The following ZACN variants were observed in gnomAD, a reference collection of about 807,000 sequenced individuals.
ZACN encodes the protein ligand-gated cation channel ZACN.
Under a neutral mutation model 38.9 loss-of-function variants are expected in ZACN, and 52 were observed. The ratio of observed to expected loss-of-function variants is 1.34; its 90% CI spans 1.07 to 1.68. ZACN has a LOEUF of 1.68. ZACN is among the 40% of genes most tolerant of loss of function. The pLI is 0.00. For synonymous variants in ZACN, 235 were observed against 227.4 expected (o/e 1.03, Z -0.30); for missense variants, 559 against 525.6 (o/e 1.06, Z -0.62).
rs751849469 is a variant in ZACN at position 76,081,357 on chromosome 17, G to A, written c.624G>A (p.Lys208=). 1.2e-6 allele frequency: 2 copies of A among 1,614,178 alleles called. No individual in the cohort carries two copies. The highest frequency in any genetic ancestry group is 3.3e-5 in the Admixed American group (2 of 60,026). The part of the protein sequence containing the change: ...VKREYVVYDL[K]TQVPPQQLVP... ...GGGAATACGTAGTTTATGATCTGAA[G>A]ACCCAAGTCCCACCCCAGCAGCTGG... is the stretch of plus-strand genomic sequence containing the variant. The change falls in exon 6 of 9, where the codon AAG becomes AAA. Residue 208 remains lysine (K), a synonymous_variant. Coordinates refer to ENST00000334586, the MANE Select transcript of ZACN (RefSeq NM_180990.4).
chr17:76,082,089 C>T (rs773849258), intron 8 of ZACN, 40 bp downstream of exon 8: 16 of 1,551,902 alleles, frequency 1.0e-5, no homozygotes, highest in Non-Finnish European at 1.4e-5. Flanking sequence ...GGCCTAGGTG[C>T]ACACCTAGGG....
intron 4 of ZACN, 66 bp from the exon 5 acceptor site, chr17:76,080,189 C>T: frequency 1.3e-6 from 2 of 1,531,682 alleles, no homozygotes; most frequent in Middle Eastern, 1.8e-4. Context: ...GTTGGGATGC[C>T]AGGGTCTCCC....
chr17:76,082,273 C>T (rs914216027), intron 8 of ZACN, 190 bp from the exon 9 acceptor site: 9 of 777,062 alleles, frequency 1.2e-5, no homozygotes, highest in Non-Finnish European at 1.8e-5. Flanking sequence ...CCTGATAACC[C>T]ATGCCTTGCA....
chr17:76,081,694 CG>C lies in ZACN; in HGVS notation c.820del (p.Val274SerfsTer36). On this transcript the variant is annotated frameshift_variant, in exon 7 of 9. Coordinates refer to ENST00000334586, the MANE Select transcript of ZACN (RefSeq NM_180990.4). LOFTEE classifies it high-confidence loss of function. Reference sequence around the variant, plus strand: ...AGGTGACATTGCTGCTGAGTTACCTCGTCCTCCACTCCTCCCTGGTGCAGGC... The same window carrying C: ...AGGTGACATTGCTGCTGAGTTACCTCTCCTCCACTCCTCCCTGGTGCAGGC... ...YKVTLLLSYL[V>X]LHSSLVQALP... 6.2e-7 allele frequency: 1 copy of C among 1,614,138 alleles called. No individual in the cohort carries two copies. The highest frequency in any genetic ancestry group is 2.2e-5 in the East Asian group (1 of 44,890).
Position 76,080,356 on chromosome 17 carries a change from T to C in ZACN, c.476T>C (p.Phe159Ser). ...CTCGCCACGGAGACCAACTGCAACT[T>C]TGAGCTCCTCCACTTCCCCCGGGAC... is the stretch of plus-strand genomic sequence containing the variant. ...LALATETNCNFELLHFPRDHS... is the reference protein window; with the variant it reads ...LALATETNCNSELLHFPRDHS... The change falls in exon 5 of 9, where the codon TTT becomes TCT. Residue 159 changes from phenylalanine to serine, a missense_variant. By Grantham distance (155) the Phe-to-Ser change is radical. Coordinates refer to ENST00000334586, the MANE Select transcript of ZACN (RefSeq NM_180990.4). The C allele has an allele frequency of 6.2e-7, 1 of 1,613,760 alleles. No homozygotes were observed.
At position 76,079,207 on chromosome 17, in the gene ZACN, C is replaced by G. The variant is rs1320088583; in HGVS notation, c.-58C>G. 6.7e-7 allele frequency: 1 copy of G among 1,496,022 alleles called. No individual in the cohort carries two copies. Among genetic ancestry groups the G allele is most frequent in the Non-Finnish European group, 9.0e-7 (1 of 1,108,092 alleles). The allele number at this position is 1,496,022 out of a possible 1,614,324, so 92.7% of individuals were successfully genotyped here. On this transcript the variant is annotated 5_prime_UTR_variant, in exon 1 of 9. Transcript: ENST00000334586. Reference sequence around the variant, plus strand: ...AATTGCTCAGCTGCCAGAGAAGTGACTGGAATAGAGGTTGTAGCTTAGGCA... The same window carrying G: ...AATTGCTCAGCTGCCAGAGAAGTGAGTGGAATAGAGGTTGTAGCTTAGGCA...
rs1598279581 is a variant in ZACN, at chr17:76,080,540, A to C, written c.544+116A>C. On this transcript the variant is annotated intron_variant, in intron 5 of 8. Coordinates refer to ENST00000334586, the MANE Select transcript of ZACN (RefSeq NM_180990.4). ...CGGGGCAAGGGGAAGGGGCAAAGGC[A>C]GACAGAAGGCGAACTCCCAGGTCTG... The C allele has an allele frequency of 2.8e-6, 4 of 1,419,900 alleles. No individual in the cohort carries two copies. In the East Asian group the frequency reaches 9.8e-5, roughly 35 times the overall value. 88.0% of individuals were successfully genotyped at this position (1,419,900 alleles called of 1,614,324 possible).
chr17:76,079,538 T>C lies in ZACN; in HGVS notation c.197T>C (p.Val66Ala), dbSNP rs769607908. The C allele has an allele frequency of 3.1e-6, 5 of 1,614,056 alleles. No individual in the cohort carries two copies. Among genetic ancestry groups the C allele is most frequent in the South Asian group, 1.1e-5 (1 of 91,084 alleles). Residue 66 changes from valine (V) to alanine (A), a missense_variant, in exon 2 of 9, where the codon GTG (valine) becomes GCG (alanine). Val to Ala is a moderately conservative substitution (Grantham distance 64). Coordinates refer to ENST00000334586, the MANE Select transcript of ZACN (RefSeq NM_180990.4). ...GCGCCCCTGCTCGTGGATGTGCGGG[T>C]GTTTGTCTCCAACGTGTTTAATGTG... ...GSAPLLVDVRVFVSNVFNVDI... is the reference protein window; with the variant it reads ...GSAPLLVDVRAFVSNVFNVDI...
chr17:76,079,712 G>A lies in ZACN; in HGVS notation c.233G>A (p.Arg78Gln), dbSNP rs778725073. 42 of 1,613,512 alleles carry A rather than the reference G, an allele frequency of 2.6e-5. 1 individual carries two copies. Among genetic ancestry groups the A allele is most frequent in the South Asian group, 4.4e-5 (4 of 91,012 alleles). Residue 78 changes from arginine (R) to glutamine (Q), a missense_variant, in exon 3 of 9, where the codon CGA becomes CAA. By Grantham distance (43) the Arg-to-Gln change is conservative. Transcript: ENST00000334586. ...TTGCCCTTCCCCCAGGACATCCTGCGATACACAATGTCCTCCATGCTGCTG... is the reference window on the plus strand; with the variant it reads ...TTGCCCTTCCCCCAGGACATCCTGCAATACACAATGTCCTCCATGCTGCTG... ...VSNVFNVDILRYTMSSMLLLR... is the reference protein window; with the variant it reads ...VSNVFNVDILQYTMSSMLLLR...
In ZACN at chr17:76,081,277, G is replaced by A. The variant is rs1318888791; in HGVS notation, c.545-1G>A. 3.1e-6 allele frequency: 5 copies of A among 1,613,642 alleles called. No individual in the cohort carries two copies. On this transcript the variant is annotated splice_acceptor_variant, in intron 5 of 8. Coordinates refer to ENST00000334586, the MANE Select transcript of ZACN (RefSeq NM_180990.4). LOFTEE classifies it high-confidence loss of function. ...TCATAGTTCTCATTCCCACCCCTCAGCGATGGAGTTAGAGTTCCAGGCCCA... is the reference window on the plus strand; with the variant it reads ...TCATAGTTCTCATTCCCACCCCTCAACGATGGAGTTAGAGTTCCAGGCCCA...
chr17:76,079,570 G>A lies in ZACN; in HGVS notation c.222+7G>A, dbSNP rs762364196. 3.0e-5 allele frequency: 48 copies of A among 1,614,196 alleles called. 1 individual carries two copies. In the South Asian group the frequency reaches 5.1e-4, roughly 17 times the overall value. On this transcript the variant is annotated splice_region_variant and intron_variant, in intron 2 of 8. Transcript: ENST00000334586. Reference sequence around the variant, plus strand: ...CTCCAACGTGTTTAATGTGGTAAGTGCCTCTAGGCCAAGGGCCCCAAGTGC... The same window carrying A: ...CTCCAACGTGTTTAATGTGGTAAGTACCTCTAGGCCAAGGGCCCCAAGTGC...
rs1345222335 is a variant in ZACN, at chr17:76,082,447, G to C, written c.1049-16G>C. The C allele has an allele frequency of 3.1e-6, 5 of 1,589,004 alleles. No individual in the cohort carries two copies. The highest frequency in any genetic ancestry group is 1.3e-5 in the African/African-American group (1 of 74,082). ...ACCTTGAAGAACAGCTCCTTTCCCT[G>C]TATCTCTCCCCACAGAGCCCTCCAG... On this transcript the variant is annotated splice_polypyrimidine_tract_variant and intron_variant, in intron 8 of 8. Coordinates refer to ENST00000334586, the MANE Select transcript of ZACN (RefSeq NM_180990.4).
rs192357824 is a variant in ZACN, at chr17:76,079,263, C to G, written c.-2C>G. On this transcript the variant is annotated 5_prime_UTR_variant, in exon 1 of 9. Transcript: ENST00000334586. ...GCTCCCTCCAGTCCCTCCGTGCAGC[C>G]GATGATGGCCCTATGGTCCCTGCTC... 6.2e-7 allele frequency: 1 copy of G among 1,610,576 alleles called. No homozygotes were observed. Among genetic ancestry groups the G allele is most frequent in the Admixed American group, 1.7e-5 (1 of 59,836 alleles).
At position 76,082,605 on chromosome 17, in the gene ZACN, C is replaced by T. The variant is rs752708237; in HGVS notation, c.1191C>T (p.Asp397=). 22 of 1,613,228 alleles carry T rather than the reference C, an allele frequency of 1.4e-5. No homozygotes were observed. In the East Asian group the frequency reaches 3.3e-4, roughly 25 times the overall value. The change falls in exon 9 of 9, where the codon GAC becomes GAT. Residue 397 remains aspartate (D), a synonymous_variant. Coordinates refer to ENST00000334586, the MANE Select transcript of ZACN (RefSeq NM_180990.4). ...GIWMWAACKS[D]AAPGEAAPHG... ...GGATGTGGGCAGCGTGCAAGTCTGA[C>T]GCAGCCCCTGGAGAGGCTGCACCCC...
intron 5 of ZACN, 87 bp from the exon 6 acceptor site, chr17:76,081,191 T>A (rs1005207890): frequency 1.9e-6 from 3 of 1,560,196 alleles, no homozygotes; most frequent in Admixed American, 1.8e-5. Context: ...AAAGTCTCCA[T>A]CACCCCTGGG....
intron 5 of ZACN, 140 bp downstream of exon 5, chr17:76,080,564 T>G: frequency 8.3e-7 from 1 of 1,210,008 alleles, no homozygotes; most frequent in Non-Finnish European, 1.2e-6. Context: ...CTCCCAGGTC[T>G]GTGTTCAGAG....
intron 5 of ZACN, 109 bp downstream of exon 5, chr17:76,080,533 C>T (rs1402383903): frequency 2.1e-6 from 3 of 1,447,788 alleles, no homozygotes; most frequent in Admixed American, 3.9e-5. Context: ...GGGGAAGGGG[C>T]AAAGGCAGAC....
At position 76,082,716 on chromosome 17, in the gene ZACN, C is replaced by A. The variant is rs370605871; in HGVS notation, c.*63C>A. ...TTGCTTTCCCATGGCTGGGGGCGGG[C>A]CATGACAGGGCCTCTGGATTAAGCC... On this transcript the variant is annotated 3_prime_UTR_variant, in exon 9 of 9. Transcript: ENST00000334586. 52 of 1,490,604 alleles carry A rather than the reference C, an allele frequency of 3.5e-5. No individual in the cohort carries two copies. The East Asian group carries it at 5.4e-4, about 16-fold the overall frequency. 92.3% of individuals were successfully genotyped at this position (1,490,604 alleles called of 1,614,324 possible). A position where few individuals can be genotyped will look rare whatever the true frequency, so the allele number is the denominator to read the frequency against.
At chr17:76,080,520 C>CAAGGGG in intron 5 of ZACN, 96 bp downstream of exon 5, 1 of 1,510,568 alleles carries the variant, frequency 6.6e-7, no homozygotes, top group East Asian at 2.4e-5. Flanking sequence ...GGGTGCGGGG[C>CAAGGGG]AAGGGGAAGG....
Sources: allele counts gnomAD v4.1 joint callset, GRCh38; gene constraint gnomAD v4.1.1; transcripts MANE v1.5; gene names NCBI Gene and HGNC (gene_info 2026-07-23, HGNC 2026-07-21).